Variants in ADRA1B observed in about 807,000 individuals in gnomAD.
ADRA1B encodes adrenoceptor alpha 1B.
In ADRA1B, 17 loss-of-function variants were observed where a neutral mutation model predicts 17.9. The ratio of observed to expected loss-of-function variants is 0.95; its 90% CI spans 0.65 to 1.42. ADRA1B has a LOEUF of 1.42. ADRA1B is among the 40% of genes most tolerant of loss of function. The pLI, the probability that ADRA1B is intolerant of heterozygous loss-of-function variation, is 0.00. For missense variants in ADRA1B, 681 were observed against 722.1 expected (o/e 0.94, Z 0.65); for synonymous variants, 366 against 327.6 (o/e 1.12, Z -1.27).
In ADRA1B at chr5:159,933,490, G is replaced by A. The variant is rs77876538; in HGVS notation, c.949+15636G>A. On this transcript the variant is annotated intron_variant, in intron 1 of 1. Transcript: ENST00000306675. ...TTATGCTGATAGCGTCTCACTGCCT[G>A]AGGCACAAGAAGTTTCAGGCATCTA... Among the ~76,000 whole-genome samples, 16 of 152,350 alleles carry A rather than the reference G, an allele frequency of 1.1e-4. No individual in the cohort carries two copies. The East Asian group carries it at 2.9e-3, about 28-fold the overall frequency.
chr5:159,955,983 G>A (rs1034859570), intron 1 of ADRA1B, among the ~76,000 whole-genome samples: 3 of 152,042 alleles, frequency 2.0e-5, no homozygotes, highest in Non-Finnish European at 2.9e-5. Context: ...TGGCTCCTGC[G>A]TGTAATCCCA....
chr5:159,905,524 TAATA>T (rs1754153508), intron 1 of ADRA1B, among the ~76,000 whole-genome samples: 1 of 152,248 alleles, frequency 6.6e-6, no homozygotes, highest in Non-Finnish European at 1.5e-5. Flanking sequence ...CTCACTCATC[TAATA>T]AATATTTACT....
At chr5:159,914,568 C>G (rs1191173394), upstream of ADRA1B, among the ~76,000 whole-genome samples, 7 of 152,180 alleles carry the variant, frequency 4.6e-5, no homozygotes, top group Admixed American at 2.6e-4. Context: ...GTCTCTACCA[C>G]AGATTTCTTA....
chr5:159,939,220 G>A (rs1479690204), intron 1 of ADRA1B, among the ~76,000 whole-genome samples: 10 of 151,448 alleles, frequency 6.6e-5, no homozygotes, highest in African/African-American at 2.4e-4. Context: ...GAAACAAAGA[G>A]TGCTGGATTC....
intron 1 of ADRA1B, among the ~76,000 whole-genome samples, chr5:159,879,841 C>T (rs565759338): frequency 5.9e-5 from 9 of 151,992 alleles, no homozygotes; most frequent in African/African-American, 2.2e-4. Flanking sequence ...ACTAAAAATA[C>T]AAAAATTAGC....
At chr5:159,960,606 G>A (rs541598129) in intron 1 of ADRA1B, among the ~76,000 whole-genome samples, 64 of 152,054 alleles carry the variant, frequency 4.2e-4, no homozygotes, top group Admixed American at 1.2e-3. Flanking sequence ...TCAGGAGGCT[G>A]AAGCAGGAGG....
chr5:159,949,796 C>A (rs938248907), intron 1 of ADRA1B, among the ~76,000 whole-genome samples: 2 of 152,218 alleles, frequency 1.3e-5, no homozygotes, highest in Admixed American at 6.5e-5. Context: ...TCCATTTGTG[C>A]ACTTCAGCAG....
At chr5:159,920,899 G>A (rs1200131619) in intron 1 of ADRA1B, among the ~76,000 whole-genome samples, 1 of 152,190 alleles carries the variant, frequency 6.6e-6, no homozygotes, top group Admixed American at 6.5e-5. Context: ...CAGATGTGGG[G>A]GAGGACTGTG....
intron 1 of ADRA1B, among the ~76,000 whole-genome samples, chr5:159,957,929 C>CAAAAAAAA (rs35956137): frequency 1.0e-4 from 7 of 66,842 alleles, no homozygotes; most frequent in Admixed American, 2.0e-4. Flanking sequence ...AACCCCATCT[C>CAAAAAAAA]AAAAAAAAAA....
chr5:159,872,832 T>C (rs1331451261), intron 1 of ADRA1B, among the ~76,000 whole-genome samples: 2 of 152,124 alleles, frequency 1.3e-5, no homozygotes, highest in Non-Finnish European at 1.5e-5. Context: ...TAGGTATACA[T>C]GTGCCGTGGT....
intron 1 of ADRA1B, among the ~76,000 whole-genome samples, chr5:159,895,672 G>GA (rs1030909462): frequency 2.0e-5 from 3 of 151,506 alleles, no homozygotes; most frequent in Admixed American, 1.3e-4. Flanking sequence ...AAAAGTTGAA[G>GA]AAAAAAAAAG....
chr5:159,886,887 A>G (rs1753931279), intron 1 of ADRA1B, among the ~76,000 whole-genome samples: 1 of 152,170 alleles, frequency 6.6e-6, no homozygotes, highest in African/African-American at 2.4e-5. Flanking sequence ...ATACATATAC[A>G]TATATATACA....
chr5:159,897,297 C>T (rs1158906660), intron 1 of ADRA1B, among the ~76,000 whole-genome samples: 1 of 152,012 alleles, frequency 6.6e-6, no homozygotes, highest in Non-Finnish European at 1.5e-5. Flanking sequence ...ACCAGCCTGA[C>T]CAATATGGTG....
At chr5:159,871,745 AT>A (rs1270487870) in intron 1 of ADRA1B, among the ~76,000 whole-genome samples, 1 of 152,208 alleles carries the variant, frequency 6.6e-6, no homozygotes, top group Non-Finnish European at 1.5e-5. Flanking sequence ...GAGATCTGCT[AT>A]TCAACCCAAT....
chr5:159,881,373 T>A (rs1210987177), intron 1 of ADRA1B, among the ~76,000 whole-genome samples: 3 of 146,788 alleles, frequency 2.0e-5, no homozygotes, highest in African/African-American at 7.4e-5. Flanking sequence ...CCCCTACCCA[T>A]TCCCATGTTC....
chr5:159,910,510 G>A lies in ADRA1B; in HGVS notation c.-255-5609G>A, dbSNP rs78398579. On this transcript the variant is annotated intron_variant, in intron 1 of 2. Transcript: ENST00000641205. Reference sequence around the variant, plus strand: ...TTCTGTGTTCTCATATGCAAATTAAGAGCATTAGACTAGATGAAAGGTTAA... The same window carrying A: ...TTCTGTGTTCTCATATGCAAATTAAAAGCATTAGACTAGATGAAAGGTTAA... Among the ~76,000 whole-genome samples, 558 of 152,230 alleles carry A rather than the reference G, an allele frequency of 3.7e-3. 4 individuals carry two copies. Among genetic ancestry groups the A allele is most frequent in the African/African-American group, 0.013 (544 of 41,534 alleles).
chr5:159,916,679 T>TCGTC lies in ADRA1B; in HGVS notation c.-225_-222dup. On this transcript the variant is annotated 5_prime_UTR_variant, in exon 1 of 2. Transcript: ENST00000306675. Reference sequence around the variant, plus strand: ...GACCATTAAACTTGGAGCTGCCGCCTCGTCCCCTCTCCTCCTCCTCCTCCC... The same window carrying TCGTC: ...GACCATTAAACTTGGAGCTGCCGCCTCGTCCGTCCCCTCTCCTCCTCCTCCTCCC... 1 of 440,840 alleles carries TCGTC rather than the reference T, an allele frequency of 2.3e-6. No homozygotes were observed. Among genetic ancestry groups the TCGTC allele is most frequent in the Non-Finnish European group, 4.0e-6 (1 of 247,268 alleles). The allele number at this position is 440,840 out of a possible 1,614,324, so 27.3% of individuals were successfully genotyped here. A position where few individuals can be genotyped will look rare whatever the true frequency, so the allele number is the denominator to read the frequency against.
chr5:159,948,115 A>C, intron 1 of ADRA1B: 1 of 985,440 alleles, frequency 1.0e-6, no homozygotes, highest in Non-Finnish European at 1.2e-6. Flanking sequence ...CTGTACCTTC[A>C]TCCTCAATCC....
intron 1 of ADRA1B, among the ~76,000 whole-genome samples, chr5:159,921,425 T>A (rs1289608032): frequency 6.6e-6 from 1 of 152,208 alleles, no homozygotes; most frequent in Non-Finnish European, 1.5e-5. Flanking sequence ...CTGCCCAGCA[T>A]TAAAATGAAG....
Sources: gnomAD v4.1 joint callset for allele counts (sites outside exome capture counted in the v4.1 genomes callset) on GRCh38, gnomAD v4.1.1 for gene constraint, MANE v1.5 for transcripts, NCBI Gene and HGNC (gene_info 2026-07-23, HGNC 2026-07-21) for gene names.